NCKAP5: variants seen among roughly 807,000 people sequenced by gnomAD.
NCKAP5 encodes the protein nck-associated protein 5.
Under a neutral mutation model 167.0 loss-of-function variants are expected in NCKAP5, and 92 were observed. That is an observed-to-expected ratio of 0.55 (90% confidence interval 0.47 to 0.66). The LOEUF (loss-of-function observed/expected upper bound fraction) is 0.66. Ranked by LOEUF, NCKAP5 falls within the 30% of genes least tolerant of loss-of-function variation. The pLI is 0.00. For missense variants in NCKAP5, 2,378 were observed against 2,315.0 expected (o/e 1.03, Z -0.56); for synonymous variants, 891 against 877.4 (o/e 1.02, Z -0.27).
At chr2:132,878,790 G>T in intron 9 of NCKAP5, 58 bp downstream of exon 9, 1 of 1,293,194 alleles carries the variant, frequency 7.7e-7, no homozygotes, top group Non-Finnish European at 1.1e-6. Flanking sequence ...TTTGAGATCA[G>T]ATTAAGGGAA....
At chr2:133,175,309 T>C (rs769992038) in intron 5 of NCKAP5, among the ~76,000 whole-genome samples, 9 of 152,194 alleles carry the variant, frequency 5.9e-5, no homozygotes, top group Non-Finnish European at 1.2e-4. Flanking sequence ...CCCTAGTTTG[T>C]CTGTTGTCTT....
intron 3 of NCKAP5, among the ~76,000 whole-genome samples, chr2:133,466,094 T>A (rs1692563682): frequency 6.7e-6 from 1 of 148,246 alleles, no homozygotes; most frequent in African/African-American, 2.5e-5. Flanking sequence ...CATGCCTATG[T>A]CCTGAATGGT....
intron 5 of NCKAP5, among the ~76,000 whole-genome samples, chr2:133,159,270 C>T (rs1489851128): frequency 6.6e-6 from 1 of 152,072 alleles, no homozygotes; most frequent in East Asian, 1.9e-4. Flanking sequence ...AAAATGAGGT[C>T]CTCGGTTCTG....
In NCKAP5 at chr2:132,782,087, G is replaced by A. The variant is rs181883434; in HGVS notation, c.4724C>T (p.Ala1575Val). The A allele has an allele frequency of 9.0e-5, 145 of 1,614,022 alleles. 1 individual carries two copies. The African/African-American group carries it at 1.6e-3, about 17-fold the overall frequency. ...ENELIKDTKS[A>V]DNPDGGLQSK... ...TTGTAAACCGCCATCTGGATTATCT[G>A]CTGACTTGGTGTCCTTGATAAGCTC... is the stretch of plus-strand genomic sequence containing the variant. Residue 1575 changes from alanine (A) to valine (V), a missense_variant, in exon 14 of 20, where the codon GCA becomes GTA. Coordinates refer to ENST00000409261, the MANE Select transcript of NCKAP5 (RefSeq NM_207363.3).
At chr2:133,316,752 A>C (rs1407601550) in intron 3 of NCKAP5, among the ~76,000 whole-genome samples, 1 of 152,132 alleles carries the variant, frequency 6.6e-6, no homozygotes, top group Non-Finnish European at 1.5e-5. Context: ...CCAGGATCTG[A>C]TCACATTTAT....
chr2:132,760,297 T>C (rs1680892739), intron 16 of NCKAP5, among the ~76,000 whole-genome samples: 1 of 152,176 alleles, frequency 6.6e-6, no homozygotes, highest in South Asian at 2.1e-4. Flanking sequence ...GTAGAAAATT[T>C]ATTATTATTT....
At chr2:133,080,691 C>A (rs1559119385) in intron 6 of NCKAP5, among the ~76,000 whole-genome samples, 2 of 152,080 alleles carry the variant, frequency 1.3e-5, no homozygotes, top group African/African-American at 2.4e-5. Flanking sequence ...AGCTAACAAG[C>A]ATTTATTGAA....
intron 4 of NCKAP5, among the ~76,000 whole-genome samples, chr2:133,273,092 A>G (rs954992294): frequency 4.6e-5 from 7 of 152,148 alleles, no homozygotes; most frequent in African/African-American, 1.7e-4. Flanking sequence ...GCTGAGTCCT[A>G]TAGTAAGTGT....
At chr2:133,510,483 T>C (rs953650500) in intron 3 of NCKAP5, among the ~76,000 whole-genome samples, 2 of 152,184 alleles carry the variant, frequency 1.3e-5, no homozygotes, top group African/African-American at 4.8e-5. Context: ...AATCACAAGA[T>C]CAGAAAATAG....
intron 6 of NCKAP5, among the ~76,000 whole-genome samples, chr2:133,052,731 A>G (rs1354447612): frequency 1.3e-5 from 2 of 152,168 alleles, no homozygotes; most frequent in South Asian, 2.1e-4. Flanking sequence ...AAAAAAAAAA[A>G]AGGAAAGTTC....
At chr2:133,459,528 T>C (rs1310941353) in intron 3 of NCKAP5, among the ~76,000 whole-genome samples, 2 of 152,198 alleles carry the variant, frequency 1.3e-5, no homozygotes, top group African/African-American at 2.4e-5. Context: ...AGTGAAATCA[T>C]ACCTATGTAT....
intron 3 of NCKAP5, among the ~76,000 whole-genome samples, chr2:133,331,014 C>A (rs1199331717): frequency 2.6e-5 from 4 of 152,112 alleles, no homozygotes; most frequent in Non-Finnish European, 5.9e-5. Context: ...TATTATTATT[C>A]TTATTTCACA....
chr2:133,281,282 G>A (rs892397139), intron 4 of NCKAP5, among the ~76,000 whole-genome samples: 4 of 152,152 alleles, frequency 2.6e-5, no homozygotes, highest in Non-Finnish European at 5.9e-5. Context: ...GACAAGTATA[G>A]TTGCTTATAT....
At chr2:133,405,991 A>G (rs1179455240) in intron 3 of NCKAP5, among the ~76,000 whole-genome samples, 1 of 152,274 alleles carries the variant, frequency 6.6e-6, no homozygotes, top group Non-Finnish European at 1.5e-5. Context: ...GGAATAATTT[A>G]CAGGTCTGTA....
chr2:132,853,520 G>T (rs950430118), intron 11 of NCKAP5, among the ~76,000 whole-genome samples: 2 of 152,148 alleles, frequency 1.3e-5, no homozygotes, highest in African/African-American at 2.4e-5. Context: ...TCAGCCATGT[G>T]CTCTTGAAAG....
intron 3 of NCKAP5, among the ~76,000 whole-genome samples, chr2:133,351,741 C>T (rs1244108084): frequency 2.0e-5 from 3 of 152,108 alleles, no homozygotes; most frequent in African/African-American, 7.2e-5. Flanking sequence ...AACCTGGGCA[C>T]CTGCCAGACC....
intron 8 of NCKAP5, among the ~76,000 whole-genome samples, chr2:132,937,366 C>A (rs1696933688): frequency 6.6e-6 from 1 of 152,156 alleles, no homozygotes; most frequent in Admixed American, 6.5e-5. Flanking sequence ...TAACTGTGTT[C>A]ATTCATATTA....
At chr2:133,663,956 C>G in the NCKAP5 span, among the ~76,000 whole-genome samples, 1 of 152,172 alleles carries the variant, frequency 6.6e-6, no homozygotes, top group Non-Finnish European at 1.5e-5. Flanking sequence ...ATCTGTAAGA[C>G]TGTCAATGGC....
In NCKAP5 at chr2:133,302,812, T is replaced by A. The variant is rs1376763687; in HGVS notation, c.143+225A>T. ...AATAAAAATAAAAAAAATAAATAAA[T>A]AAATAAATAAATAAATCTTGAAGCA... On this transcript the variant is annotated intron_variant, in intron 4 of 19. Coordinates refer to ENST00000409261, the MANE Select transcript of NCKAP5 (RefSeq NM_207363.3). Among the ~76,000 whole-genome samples, 10 of 146,380 alleles carry A rather than the reference T, an allele frequency of 6.8e-5. No homozygotes were observed. The South Asian group carries it at 1.3e-3, about 19-fold the overall frequency.
Sources: allele counts gnomAD v4.1 joint callset (sites outside exome capture counted in the v4.1 genomes callset), GRCh38; gene constraint gnomAD v4.1.1; transcripts MANE v1.5; gene names NCBI Gene and HGNC (gene_info 2026-07-23, HGNC 2026-07-21).